ADAMTSL3: variants seen among roughly 807,000 people sequenced by gnomAD.
ADAMTSL3 encodes ADAMTS like 3.
Under a neutral mutation model 201.7 loss-of-function variants are expected in ADAMTSL3, and 128 were observed. The ratio of observed to expected loss-of-function variants is 0.63; its 90% CI spans 0.55 to 0.73. The LOEUF is 0.73. ADAMTSL3 is among the 30% of genes least tolerant of loss of function. The probability of loss-of-function intolerance (pLI) is 0.00; values close to 1 mark genes in which losing one functional copy is unlikely to be tolerated. For missense variants in ADAMTSL3, 1,990 were observed against 2,119.6 expected, an observed-to-expected ratio of 0.94 and a Z score of 1.20; for synonymous variants, 738 against 748.4, an observed-to-expected ratio of 0.99 and a Z score of 0.23.
At chr15:83,998,276 G>A (rs569043227) in intron 23 of ADAMTSL3, among the ~76,000 whole-genome samples, 1 of 151,934 alleles carries the variant, frequency 6.6e-6, no homozygotes, top group Non-Finnish European at 1.5e-5. Context: ...TGGTAAAACC[G>A]TGTCTCCACT....
At chr15:83,813,995 G>A (rs2063734855) in intron 5 of ADAMTSL3, among the ~76,000 whole-genome samples, 1 of 152,170 alleles carries the variant, frequency 6.6e-6, no homozygotes, top group Non-Finnish European at 1.5e-5. Flanking sequence ...TTTAAGATAA[G>A]TGTATCATAA....
At chr15:83,897,486 G>A (rs941243106) in intron 13 of ADAMTSL3, among the ~76,000 whole-genome samples, 1 of 152,064 alleles carries the variant, frequency 6.6e-6, no homozygotes, top group Non-Finnish European at 1.5e-5. Context: ...AGTTCAGAAA[G>A]GTTTCATTCG....
intron 4 of ADAMTSL3, among the ~76,000 whole-genome samples, chr15:83,794,121 C>T (rs999526444): frequency 3.9e-5 from 6 of 152,260 alleles, no homozygotes; most frequent in African/African-American, 1.4e-4. Flanking sequence ...ATATCATTAC[C>T]TACCTATCAG....
At chr15:83,976,544 G>A (rs902888534) in intron 20 of ADAMTSL3, among the ~76,000 whole-genome samples, 1 of 151,904 alleles carries the variant, frequency 6.6e-6, no homozygotes, top group African/African-American at 2.4e-5. Flanking sequence ...ATCAGTGAGA[G>A]TCCTGAGCTT....
intron 3 of ADAMTSL3, among the ~76,000 whole-genome samples, chr15:83,742,109 A>C (rs2062466369): frequency 6.6e-6 from 1 of 152,210 alleles, no homozygotes; most frequent in Non-Finnish European, 1.5e-5. Context: ...AAAGTCAGTA[A>C]ATTTCTCATA....
At chr15:83,656,458 C>T (rs1250988225) in intron 2 of ADAMTSL3, among the ~76,000 whole-genome samples, 2 of 152,370 alleles carry the variant, frequency 1.3e-5, no homozygotes, top group South Asian at 2.1e-4. Flanking sequence ...GCAGTCTCTA[C>T]TCAATTCCAT....
At chr15:83,948,163 C>T (rs1425298271) in intron 19 of ADAMTSL3, among the ~76,000 whole-genome samples, 1 of 152,020 alleles carries the variant, frequency 6.6e-6, no homozygotes, top group African/African-American at 2.4e-5. Context: ...ATGGCATTCC[C>T]CGATTTTCCA....
At chr15:83,987,336 G>A (rs1954853761) in intron 21 of ADAMTSL3, among the ~76,000 whole-genome samples, 2 of 152,164 alleles carry the variant, frequency 1.3e-5, no homozygotes, top group Admixed American at 1.3e-4. Context: ...CTATTGCTCT[G>A]TGCCATTATT....
intron 3 of ADAMTSL3, among the ~76,000 whole-genome samples, chr15:83,764,342 G>T (rs909167113): frequency 6.6e-6 from 1 of 152,124 alleles, no homozygotes; most frequent in African/African-American, 2.4e-5. Context: ...AAATTACTGT[G>T]CTGGAAAGCT....
chr15:83,913,442 C>G (rs577698117), intron 16 of ADAMTSL3, 64 bp downstream of exon 16: 1 of 1,537,308 alleles, frequency 6.5e-7, no homozygotes, highest in South Asian at 1.2e-5. Flanking sequence ...AGAAATTACT[C>G]AATCAGGTAA....
intron 17 of ADAMTSL3, among the ~76,000 whole-genome samples, chr15:83,929,467 A>G (rs1377590539): frequency 6.6e-6 from 1 of 151,982 alleles, no homozygotes; most frequent in Admixed American, 6.6e-5. Context: ...TCTCCTTTTC[A>G]TAAGGACATC....
At position 83,763,727 on chromosome 15, in the gene ADAMTSL3, A is replaced by G. The variant is rs539050250; in HGVS notation, c.190-9796A>G. 7.3e-4 allele frequency among the ~76,000 whole-genome samples: 111 copies of G among 152,078 alleles called. No individual in the cohort carries two copies. In the East Asian group the frequency reaches 0.014, roughly 19 times the overall value. On this transcript the variant is annotated intron_variant, in intron 3 of 29. Coordinates refer to ENST00000286744, the MANE Select transcript of ADAMTSL3 (RefSeq NM_207517.3). ...TCACCCTGTTAGCCAGGATGATCTC[A>G]ATCTCCTGACCTCGTGATCCGCCCG...
intron 5 of ADAMTSL3, among the ~76,000 whole-genome samples, chr15:83,813,128 A>C (rs2063723008): frequency 6.6e-6 from 1 of 152,376 alleles, no homozygotes. Flanking sequence ...TTTTGGAGAC[A>C]CATTATACTT....
chr15:83,801,639 T>TATATATATATAA (rs1237756327), intron 4 of ADAMTSL3, among the ~76,000 whole-genome samples: 436 of 29,736 alleles, frequency 0.015, 24 homozygotes, highest in East Asian at 0.12. Context: ...TATATATAAA[T>TATATATATATAA]ATATAAATAT....
At chr15:83,784,907 T>C (rs2063235831) in intron 4 of ADAMTSL3, among the ~76,000 whole-genome samples, 1 of 152,192 alleles carries the variant, frequency 6.6e-6, no homozygotes, top group Non-Finnish European at 1.5e-5. Context: ...AGTCAAAGCA[T>C]GGTTGAAACT....
At chr15:83,674,967 G>A (rs2061382972) in intron 2 of ADAMTSL3, among the ~76,000 whole-genome samples, 1 of 151,410 alleles carries the variant, frequency 6.6e-6, no homozygotes, top group South Asian at 2.1e-4. Flanking sequence ...AATCCTTGTT[G>A]GATTTATAAT....
chr15:83,852,092 C>T (rs1205666233), intron 7 of ADAMTSL3, among the ~76,000 whole-genome samples: 2 of 151,504 alleles, frequency 1.3e-5, no homozygotes, highest in East Asian at 3.9e-4. Flanking sequence ...GTTTTTTTGC[C>T]TATCAGTTCT....
chr15:84,031,540 A>T, intron 28 of ADAMTSL3, 108 bp downstream of exon 28: 1 of 956,022 alleles, frequency 1.0e-6, no homozygotes, highest in South Asian at 1.5e-5. Context: ...AACTCTCATA[A>T]TTGACAGTTT....
intron 3 of ADAMTSL3, among the ~76,000 whole-genome samples, chr15:83,747,253 A>G (rs1409726928): frequency 6.6e-6 from 1 of 152,170 alleles, no homozygotes; most frequent in Non-Finnish European, 1.5e-5. Context: ...CTGCCTCCCT[A>G]ATCCCACACT....
Sources: gnomAD v4.1 joint callset for allele counts (sites outside exome capture counted in the v4.1 genomes callset) on GRCh38, gnomAD v4.1.1 for gene constraint, MANE v1.5 for transcripts, NCBI Gene and HGNC (gene_info 2026-07-23, HGNC 2026-07-21) for gene names.